SEMA6D: variants seen among roughly 807,000 people sequenced by gnomAD.
SEMA6D encodes semaphorin 6D.
In SEMA6D, 35 loss-of-function variants were observed where a neutral mutation model predicts 106.6. The ratio of observed to expected loss-of-function variants is 0.33; its 90% CI spans 0.25 to 0.44. The LOEUF (loss-of-function observed/expected upper bound fraction) is 0.44, where lower values mean the gene tolerates loss of function less well. Among genes scored for constraint, SEMA6D ranks in the 20% least tolerant of loss-of-function variants. The probability of loss-of-function intolerance (pLI) is 1.00; values close to 1 mark genes in which losing one functional copy is unlikely to be tolerated. For synonymous variants in SEMA6D, 499 were observed against 487.7 expected (o/e 1.02, Z -0.31); for missense variants, 1,185 against 1,345.9 (o/e 0.88, Z 1.87).
At chr15:47,583,553 T>C (rs1361816107) in intron 3 of SEMA6D, among the ~76,000 whole-genome samples, 2 of 152,120 alleles carry the variant, frequency 1.3e-5, no homozygotes, top group African/African-American at 2.4e-5. Context: ...TTTATCAGGA[T>C]TGCGTCCTTT....
In SEMA6D at chr15:47,772,798, CG is replaced by C. The variant is rs1223199314; in HGVS notation, c.*1014del. ...AATAAGGTTTTATTTTGATTGTGTT[CG>C]TTTCCCCCCCCCCAATAGTAAAATT... On this transcript the variant is annotated 3_prime_UTR_variant, in exon 19 of 19. Coordinates refer to ENST00000536845, the MANE Select transcript of SEMA6D (RefSeq NM_001358351.3). The C allele has an allele frequency of 2.4e-5, 3 of 127,604 alleles. No individual in the cohort carries two copies. The highest frequency in any genetic ancestry group is 8.1e-5 in the Admixed American group (1 of 12,320). 7.9% of individuals were successfully genotyped at this position (127,604 alleles called of 1,614,324 possible).
At chr15:47,504,573 T>C (rs780131471) in intron 3 of SEMA6D, among the ~76,000 whole-genome samples, 1 of 152,152 alleles carries the variant, frequency 6.6e-6, no homozygotes, top group Non-Finnish European at 1.5e-5. Context: ...GGAATTACAG[T>C]CGTCAGACAG....
At chr15:47,362,619 A>G (rs1021407467) in intron 1 of SEMA6D, among the ~76,000 whole-genome samples, 6 of 152,140 alleles carry the variant, frequency 3.9e-5, no homozygotes, top group African/African-American at 1.2e-4. Flanking sequence ...CTTGGAGATC[A>G]TAGTAATCAG....
At chr15:47,485,505 T>G (rs1014860163) in intron 3 of SEMA6D, among the ~76,000 whole-genome samples, 7 of 152,142 alleles carry the variant, frequency 4.6e-5, no homozygotes, top group Non-Finnish European at 1.0e-4. Context: ...TAGTCTGGTT[T>G]AATCGCAAAT....
intron 1 of SEMA6D, among the ~76,000 whole-genome samples, chr15:47,210,257 C>A (rs1895392489): frequency 6.6e-6 from 1 of 152,056 alleles, no homozygotes; most frequent in Non-Finnish European, 1.5e-5. Context: ...TCTTTTTCTG[C>A]ACATTTCTGT....
At position 47,186,449 on chromosome 15, in the gene SEMA6D, A is replaced by G. The variant is rs76786579; in HGVS notation, c.-239+2031A>G. Among the ~76,000 whole-genome samples the G allele has an allele frequency of 1.1e-3, 168 of 152,304 alleles. 2 individuals are homozygous for G. The East Asian group carries it at 0.029, about 26-fold the overall frequency. ...CGGTTCGACAAATATGTATGTGGAA[A>G]AGTGTATTTATTGTGTTCTCTCTCT... On this transcript the variant is annotated intron_variant, in intron 1 of 19. Transcript: ENST00000558014.
At chr15:47,569,887 C>G (rs138619859) in intron 3 of SEMA6D, among the ~76,000 whole-genome samples, 9 of 152,068 alleles carry the variant, frequency 5.9e-5, no homozygotes, top group African/African-American at 2.2e-4. Context: ...ATGGTGACAA[C>G]CCATCTCTAC....
At chr15:47,302,977 A>G (rs2036080901) in intron 1 of SEMA6D, among the ~76,000 whole-genome samples, 1 of 152,228 alleles carries the variant, frequency 6.6e-6, no homozygotes. Context: ...ATTTACCAGA[A>G]GAATTCATGG....
chr15:47,763,711 C>T (rs1441989157), intron 9 of SEMA6D, 139 bp from the exon 10 acceptor site: 2 of 762,078 alleles, frequency 2.6e-6, no homozygotes, highest in African/African-American at 3.5e-5. Context: ...CTGAACAGAT[C>T]CCTAGAGAGA....
At chr15:47,421,986 T>G (rs2041173564) in intron 2 of SEMA6D, among the ~76,000 whole-genome samples, 1 of 152,102 alleles carries the variant, frequency 6.6e-6, no homozygotes, top group South Asian at 2.1e-4. Context: ...TTTTGATTTC[T>G]TCACACATCT....
In SEMA6D at chr15:47,267,288, C is replaced by T. The variant is rs529780541; in HGVS notation, c.-239+82870C>T. On this transcript the variant is annotated intron_variant, in intron 1 of 19. Coordinates refer to the SEMA6D transcript ENST00000558014. ...TTTCCATTGTCCTTGTCATTAAAGGCTGTTTTGGGGAAGTCTCTTTTTTTT... is the reference window on the plus strand; with the variant it reads ...TTTCCATTGTCCTTGTCATTAAAGGTTGTTTTGGGGAAGTCTCTTTTTTTT... Among the ~76,000 whole-genome samples the T allele has an allele frequency of 3.3e-5, 5 of 151,952 alleles. No homozygotes were observed. The South Asian group carries it at 1.0e-3, about 32-fold the overall frequency.
At chr15:47,342,112 G>C (rs1332767726) in intron 1 of SEMA6D, among the ~76,000 whole-genome samples, 1 of 151,738 alleles carries the variant, frequency 6.6e-6, no homozygotes, top group African/African-American at 2.4e-5. Flanking sequence ...TTAGGTTCCT[G>C]TGTTAGCAGA....
intron 3 of SEMA6D, among the ~76,000 whole-genome samples, chr15:47,516,686 C>T (rs2044399420): frequency 6.6e-6 from 1 of 152,074 alleles, no homozygotes; most frequent in Non-Finnish European, 1.5e-5. Flanking sequence ...GTGCCCTCAG[C>T]TGCAGCTGAG....
At chr15:47,649,848 G>A (rs138283359) in intron 4 of SEMA6D, among the ~76,000 whole-genome samples, 9 of 152,216 alleles carry the variant, frequency 5.9e-5, no homozygotes, top group Admixed American at 4.6e-4. Context: ...GAAAAGTGAG[G>A]GCTAATAGTG....
At chr15:47,716,660 T>C (rs1596730479), upstream of SEMA6D, among the ~76,000 whole-genome samples, 1 of 152,150 alleles carries the variant, frequency 6.6e-6, no homozygotes, top group South Asian at 2.1e-4. Context: ...TTTTGGAATA[T>C]GTGACTTTTT....
chr15:47,217,764 A>AAAT (rs1555405768), intron 1 of SEMA6D, among the ~76,000 whole-genome samples: 1 of 151,636 alleles, frequency 6.6e-6, no homozygotes. Context: ...ATATATTAAA[A>AAAT]ATATATATAT....
chr15:47,266,462 G>T (rs2034322091), intron 1 of SEMA6D, among the ~76,000 whole-genome samples: 1 of 152,144 alleles, frequency 6.6e-6, no homozygotes, highest in South Asian at 2.1e-4. Flanking sequence ...AATACTTGGT[G>T]GGATGGAGTG....
chr15:47,496,595 A>G (rs531389186), intron 3 of SEMA6D, among the ~76,000 whole-genome samples: 49 of 151,970 alleles, frequency 3.2e-4, no homozygotes, highest in Non-Finnish European at 6.5e-4. Flanking sequence ...AATGGCCCTA[A>G]TTCACCTCTG....
intron 4 of SEMA6D, among the ~76,000 whole-genome samples, chr15:47,681,953 C>T (rs969431172): frequency 6.6e-6 from 1 of 151,996 alleles, no homozygotes; most frequent in Non-Finnish European, 1.5e-5. Context: ...TAAAAAAAAG[C>T]TTTTAGGTTC....
Sources: gnomAD v4.1 joint callset for allele counts (sites outside exome capture counted in the v4.1 genomes callset) on GRCh38, gnomAD v4.1.1 for gene constraint, MANE v1.5 for transcripts, NCBI Gene and HGNC (gene_info 2026-07-23, HGNC 2026-07-21) for gene names.